The following PLIN3 variants were observed in gnomAD, a reference collection of about 807,000 sequenced individuals.
PLIN3 encodes the protein perilipin 3, also known as perilipin-3.
PLIN3 carries 30 observed loss-of-function variants against 35.9 expected under a neutral mutation model. The ratio of observed to expected loss-of-function variants is 0.84; its 90% CI spans 0.62 to 1.13. PLIN3 has a LOEUF of 1.13. PLIN3 is among the 50% of genes most tolerant of loss of function. The pLI is 0.00. For synonymous variants in PLIN3, 261 were observed against 262.5 expected, an observed-to-expected ratio of 0.99 and a Z score of 0.06; for missense variants, 603 against 596.9, an observed-to-expected ratio of 1.01 and a Z score of -0.11.
intron 4 of PLIN3, among the ~76,000 whole-genome samples, chr19:4,857,908 G>A (rs571277722): frequency 3.5e-4 from 53 of 151,586 alleles, no homozygotes; most frequent in African/African-American, 1.0e-3. Flanking sequence ...CCTGGGAGGT[G>A]GAGGTTGCAG....
chr19:4,857,971 C>T (rs1221496256), intron 4 of PLIN3, among the ~76,000 whole-genome samples: 1 of 141,652 alleles, frequency 7.1e-6, no homozygotes, highest in African/African-American at 2.6e-5. Context: ...AGCGAAACTC[C>T]ATCTTAAAAA....
chr19:4,860,791 T>C (rs2030648946), intron 2 of PLIN3, among the ~76,000 whole-genome samples: 1 of 151,914 alleles, frequency 6.6e-6, no homozygotes, highest in Admixed American at 6.6e-5. Context: ...GCCAACATGG[T>C]GAAACTCCGT....
intron 4 of PLIN3, among the ~76,000 whole-genome samples, chr19:4,855,249 GAAAAA>G (rs377681525): frequency 0.011 from 411 of 36,340 alleles, 1 homozygote; most frequent in African/African-American, 0.038. Context: ...GACTCCATCT[GAAAAA>G]AAAAAAAAAA....
intron 4 of PLIN3, among the ~76,000 whole-genome samples, chr19:4,858,128 C>A (rs941476071): frequency 1.3e-5 from 2 of 151,320 alleles, no homozygotes; most frequent in Non-Finnish European, 2.9e-5. Context: ...CAAAAATTAG[C>A]TAGGCGTGGT....
chr19:4,851,773 T>C (rs1390060119), intron 5 of PLIN3, among the ~76,000 whole-genome samples: 1 of 152,014 alleles, frequency 6.6e-6, no homozygotes, highest in Non-Finnish European at 1.5e-5. Flanking sequence ...GGACGGGTTC[T>C]GACTCAGGTG....
intron 1 of PLIN3, among the ~76,000 whole-genome samples, chr19:4,863,142 G>A (rs532267190): frequency 2.1e-5 from 3 of 144,872 alleles, no homozygotes; most frequent in Non-Finnish European, 3.0e-5. Context: ...GGGCAACAGA[G>A]TGAGACTCCG....
chr19:4,846,200 AAAAT>A (rs1344962804), intron 6 of PLIN3, among the ~76,000 whole-genome samples: 4 of 152,068 alleles, frequency 2.6e-5, no homozygotes, highest in African/African-American at 7.2e-5. Flanking sequence ...AAAGAAAAGA[AAAAT>A]AAATAAAGAG....
intron 1 of PLIN3, among the ~76,000 whole-genome samples, chr19:4,862,972 C>T (rs571469711): frequency 7.9e-5 from 12 of 151,502 alleles, no homozygotes; most frequent in African/African-American, 2.4e-4. Context: ...GCCTGGCCAA[C>T]ATAGTGAAAC....
At chr19:4,860,647 A>C (rs2030644148) in intron 2 of PLIN3, among the ~76,000 whole-genome samples, 1 of 152,166 alleles carries the variant, frequency 6.6e-6, no homozygotes, top group Non-Finnish European at 1.5e-5. Context: ...CATGGGTCAC[A>C]GCCAGCGCAC....
intron 7 of PLIN3, among the ~76,000 whole-genome samples, chr19:4,843,991 A>G (rs1031720778): frequency 4.2e-4 from 64 of 152,238 alleles, no homozygotes; most frequent in African/African-American, 1.5e-3. Context: ...GTTTTTTGAG[A>G]CAGAATCTCC....
chr19:4,863,217 G>A (rs1472763537), intron 1 of PLIN3, among the ~76,000 whole-genome samples: 4 of 151,402 alleles, frequency 2.6e-5, no homozygotes, highest in Non-Finnish European at 5.9e-5. Context: ...AGATTTAAAG[G>A]CCGGGTGCGG....
intron 4 of PLIN3, among the ~76,000 whole-genome samples, chr19:4,855,253 A>AAGAAAG (rs767103876): frequency 6.3e-5 from 3 of 47,790 alleles, no homozygotes; most frequent in African/African-American, 3.0e-4. Flanking sequence ...CCATCTGAAA[A>AAGAAAG]AAAAAAAAAA....
chr19:4,867,546 G>A (rs1373214939), intron 1 of PLIN3, 63 bp downstream of exon 1: 2 of 150,330 alleles, frequency 1.3e-5, no homozygotes, highest in African/African-American at 2.5e-5. Context: ...TCCGGCCCCT[G>A]GGGTGCCCCA....
At chr19:4,859,777 A>G (rs370728215) in intron 3 of PLIN3, 49 bp downstream of exon 3, 14 of 1,603,758 alleles carry the variant, frequency 8.7e-6, no homozygotes, top group Non-Finnish European at 1.2e-5. Context: ...CTCCCCACCC[A>G]GGGAAATGAC....
intron 1 of PLIN3, among the ~76,000 whole-genome samples, chr19:4,862,874 T>C (rs2030719596): frequency 1.3e-5 from 2 of 152,012 alleles, no homozygotes; most frequent in African/African-American, 2.4e-5. Flanking sequence ...AAACAACAAG[T>C]GTGGCCAGAC....
chr19:4,859,513 G>A, intron 4 of PLIN3, 77 bp downstream of exon 4: 1 of 1,250,172 alleles, frequency 8.0e-7, no homozygotes, highest in South Asian at 1.2e-5. Flanking sequence ...AGCTTGTCTA[G>A]TTAAGCTGGG....
intron 6 of PLIN3, among the ~76,000 whole-genome samples, chr19:4,846,747 A>G (rs566056090): frequency 6.6e-6 from 1 of 152,206 alleles, no homozygotes; most frequent in East Asian, 1.9e-4. Context: ...GGAAGGGACG[A>G]CCACGTGAAT....
chr19:4,852,272 C>T lies in PLIN3; in HGVS notation c.378G>A (p.Ser126=), dbSNP rs189305529. ...TCTCTTGGGCCCCCGACACCTTAGA[C>T]GACACAAGCTCCTTGGTGTCCGCCA... ...KVLADTKELV[S]SKVSGAQEMV... is the part of the protein sequence containing the mutation. Residue 126 remains serine (S), a synonymous_variant, in exon 5 of 8, where the codon TCG becomes TCA. Transcript: ENST00000221957. The T allele has an allele frequency of 1.6e-5, 25 of 1,604,686 alleles. No individual in the cohort carries two copies. The highest frequency in any genetic ancestry group is 5.0e-5 in the Admixed American group (3 of 60,002).
At chr19:4,866,091 C>T (rs2030847493) in intron 1 of PLIN3, among the ~76,000 whole-genome samples, 1 of 149,892 alleles carries the variant, frequency 6.7e-6, no homozygotes, top group African/African-American at 2.5e-5. Flanking sequence ...GATCTCAGTT[C>T]AGTGTAACCT....
Sources: gnomAD v4.1 joint callset for allele counts (sites outside exome capture counted in the v4.1 genomes callset) on GRCh38, gnomAD v4.1.1 for gene constraint, MANE v1.5 for transcripts, NCBI Gene and HGNC (gene_info 2026-07-23, HGNC 2026-07-21) for gene names.